MIDEAS: variants seen among roughly 807,000 people sequenced by gnomAD.
The protein encoded by MIDEAS is mitotic deacetylase-associated SANT domain protein.
MIDEAS carries 26 observed loss-of-function variants against 102.7 expected under a neutral mutation model. The ratio of observed to expected loss-of-function variants is 0.25; its 90% confidence interval spans 0.19 to 0.35. The LOEUF is 0.35. Ranked by LOEUF, MIDEAS falls within the 10% of genes least tolerant of loss-of-function variation. The pLI, the probability that MIDEAS is intolerant of heterozygous loss-of-function variation, is 1.00. For missense variants in MIDEAS, 1,231 were observed against 1,435.6 expected (o/e 0.86, Z 2.30); for synonymous variants, 585 against 591.0 (o/e 0.99, Z 0.15).
intron 1 of MIDEAS, among the ~76,000 whole-genome samples, chr14:73,751,019 C>T (rs954818263): frequency 3.3e-5 from 5 of 152,316 alleles, no homozygotes; most frequent in Middle Eastern, 3.4e-3. Flanking sequence ...TAGATATTAT[C>T]ATTATTATTT....
intron 1 of MIDEAS, among the ~76,000 whole-genome samples, chr14:73,765,459 T>C (rs1365430559): frequency 6.6e-6 from 1 of 152,224 alleles, no homozygotes; most frequent in Non-Finnish European, 1.5e-5. Context: ...TTTATAAGTG[T>C]TGGCTATCAT....
intron 7 of MIDEAS, 134 bp downstream of exon 7, chr14:73,726,470 C>G (rs2053062127): frequency 1.2e-6 from 1 of 845,768 alleles, no homozygotes; most frequent in Non-Finnish European, 1.8e-6. Flanking sequence ...CAAGCCCCTA[C>G]AGCCCCTTCC....
At position 73,718,858 on chromosome 14, in the gene MIDEAS, C is replaced by T. The variant is rs555202145; in HGVS notation, c.3285G>A (p.Ala1095=). Residue 1095 remains alanine (A), a synonymous_variant, in exon 13 of 13, where the codon GCG becomes GCA. Transcript: ENST00000423556. Reference sequence around the variant, plus strand: ...GCTCCCGCGCTCAGCCCTTGTCGCCCGCACCGCTCTCCTCCCGCAGGGCCT... The same window carrying T: ...GCTCCCGCGCTCAGCCCTTGTCGCCTGCACCGCTCTCCTCCCGCAGGGCCT... ...HQQALREESG[A]GDKG 1 of 1,492,430 alleles carries T rather than the reference C, an allele frequency of 6.7e-7. No individual in the cohort carries two copies. The highest frequency in any genetic ancestry group is 8.9e-7 in the Non-Finnish European group (1 of 1,128,454). The allele number at this position is 1,492,430 out of a possible 1,614,324, so 92.4% of individuals were successfully genotyped here. A position where few individuals can be genotyped will look rare whatever the true frequency, so the allele number is the denominator to read the frequency against.
intron 1 of MIDEAS, among the ~76,000 whole-genome samples, chr14:73,772,170 T>C (rs928441801): frequency 5.9e-5 from 9 of 152,276 alleles, no homozygotes; most frequent in Non-Finnish European, 1.2e-4. Context: ...TGCCGGTAGC[T>C]GATAAAGACA....
intron 1 of MIDEAS, among the ~76,000 whole-genome samples, chr14:73,765,439 C>A (rs1418631436): frequency 6.6e-6 from 1 of 152,202 alleles, no homozygotes; most frequent in Non-Finnish European, 1.5e-5. Flanking sequence ...GTCTGGCACA[C>A]ACTAAGTCTT....
intron 1 of MIDEAS, among the ~76,000 whole-genome samples, chr14:73,745,121 G>A (rs764101645): frequency 1.3e-5 from 2 of 152,212 alleles, no homozygotes; most frequent in South Asian, 4.1e-4. Flanking sequence ...GCTCCTGCCT[G>A]CTCCTGACTT....
chr14:73,752,653 G>A (rs2053434714), intron 1 of MIDEAS, among the ~76,000 whole-genome samples: 2 of 152,186 alleles, frequency 1.3e-5, no homozygotes, highest in South Asian at 4.1e-4. Flanking sequence ...ACTGGGCACA[G>A]ACAGACGCCC....
rs1369684885 is a variant in MIDEAS at position 73,760,295 on chromosome 14, C to G, written c.-780G>C. On this transcript the variant is annotated 5_prime_UTR_variant, in exon 1 of 13. The change abolishes an upstream ATG in the 5' untranslated region. Transcript: ENST00000423556. The surrounding 1 kb of genome is among the most constrained non-coding windows in gnomAD (Gnocchi z 4.8). ...CGAGCAGGAACCAGCTCTACCACTT[C>G]ATCAGCACAACTGTCTCGGGGCGGC... 1 of 152,308 alleles carries G rather than the reference C, an allele frequency of 6.6e-6. No homozygotes were observed. The highest frequency in any genetic ancestry group is 2.4e-5 in the African/African-American group (1 of 41,466). The allele number at this position is 152,308 out of a possible 1,614,324, so 9.4% of individuals were successfully genotyped here.
intron 1 of MIDEAS, among the ~76,000 whole-genome samples, chr14:73,753,900 G>A (rs112634039): frequency 1.7e-4 from 26 of 151,968 alleles, no homozygotes; most frequent in African/African-American, 3.6e-4. Flanking sequence ...AGATAATACC[G>A]GCAGAGCTTC....
intron 2 of MIDEAS, 52 bp from the exon 3 acceptor site, chr14:73,737,349 C>T (rs766905485): frequency 3.4e-5 from 53 of 1,544,704 alleles, no homozygotes; most frequent in Middle Eastern, 1.7e-4. Context: ...CATAGCCAGG[C>T]GCAGTGGCTC....
chr14:73,716,847 A>G lies in MIDEAS; in HGVS notation c.*1996T>C, dbSNP rs1443464091. The stretch of plus-strand genomic sequence containing the variant: ...AGAAAAGACCTTGGGAAACATAAGT[A>G]GCACTTTGGGGCTAAGCTGCGAAGG... On this transcript the variant is annotated 3_prime_UTR_variant, in exon 13 of 13. Transcript: ENST00000423556. 6.6e-6 allele frequency: 1 copy of G among 152,610 alleles called. No homozygotes were observed. Among genetic ancestry groups the G allele is most frequent in the Admixed American group, 6.5e-5 (1 of 15,280 alleles). The allele number at this position is 152,610 out of a possible 1,614,324, so 9.5% of individuals were successfully genotyped here.
In MIDEAS at chr14:73,716,531, A is replaced by G. The variant is rs1270015763; in HGVS notation, c.*2312T>C. The G allele has an allele frequency of 6.6e-6, 1 of 151,798 alleles. No homozygotes were observed. The highest frequency in any genetic ancestry group is 2.4e-5 in the African/African-American group (1 of 41,322). 9.4% of individuals were successfully genotyped at this position (151,798 alleles called of 1,614,324 possible). A position where few individuals can be genotyped will look rare whatever the true frequency, so the allele number is the denominator to read the frequency against. On this transcript the variant is annotated 3_prime_UTR_variant, in exon 13 of 13. Coordinates refer to ENST00000423556, the MANE Select transcript of MIDEAS (RefSeq NM_001367710.1). ...CTCTACTAAAAAAAAAAATACAAAAAGATTAGCTGGGTGTGGTGGTGTGTG... is the reference window on the plus strand; with the variant it reads ...CTCTACTAAAAAAAAAAATACAAAAGGATTAGCTGGGTGTGGTGGTGTGTG...
Position 73,719,314 on chromosome 14 carries a change from T to G in MIDEAS, c.3125A>C (p.Lys1042Thr). The G allele has an allele frequency of 6.6e-7, 1 of 1,524,660 alleles. No homozygotes were observed. Among genetic ancestry groups the G allele is most frequent in the Non-Finnish European group, 8.9e-7 (1 of 1,122,790 alleles). 94.4% of individuals were successfully genotyped at this position (1,524,660 alleles called of 1,614,324 possible). ...QNQENTFPCK[K>T]CGRVFYKVKS... Reference sequence around the variant, plus strand: ...GCGCTGCCCACCTTACCTGCCACATTTTTTACAGGGGAAAGTGTTCTCCTG... The same window carrying G: ...GCGCTGCCCACCTTACCTGCCACATGTTTTACAGGGGAAAGTGTTCTCCTG... Residue 1042 changes from lysine (K) to threonine (T), a missense_variant, in exon 12 of 13, where the codon AAA (lysine) becomes ACA (threonine). By Grantham distance (78) the Lys-to-Thr change is moderately conservative. Around this residue, in one of 5 missense-constraint regions of MIDEAS, gnomAD observed 391 missense variants for 483.0 expected, o/e 0.81. Transcript: ENST00000423556.
chr14:73,782,618 C>A (rs2140180836), intron 1 of MIDEAS, among the ~76,000 whole-genome samples: 1 of 152,362 alleles, frequency 6.6e-6, no homozygotes, highest in South Asian at 2.1e-4. Context: ...GCATAAGCCA[C>A]CGCACCTGGC....
intron 3 of MIDEAS, among the ~76,000 whole-genome samples, chr14:73,731,030 G>C (rs984477669): frequency 6.6e-6 from 1 of 152,204 alleles, no homozygotes; most frequent in East Asian, 1.9e-4. Context: ...TGTTCTCATA[G>C]TATTAATCCT....
rs1454836202 is a variant in MIDEAS at position 73,716,444 on chromosome 14, G to A, written c.*2399C>T. On this transcript the variant is annotated 3_prime_UTR_variant, in exon 13 of 13. Coordinates refer to ENST00000423556, the MANE Select transcript of MIDEAS (RefSeq NM_001367710.1). ...AATGCCAGCACTTTGGGAGGCCGAG[G>A]CGGGTGGACCACCTGAGGTCAGGAG... is the stretch of plus-strand genomic sequence containing the variant. 6.6e-6 allele frequency: 1 copy of A among 151,888 alleles called. No homozygotes were observed. Among genetic ancestry groups the A allele is most frequent in the Non-Finnish European group, 1.5e-5 (1 of 67,998 alleles). The allele number at this position is 151,888 out of a possible 1,614,324, so 9.4% of individuals were successfully genotyped here.
At position 73,759,493 on chromosome 14, in the gene MIDEAS, G is replaced by T. The variant is rs540614299; in HGVS notation, c.-248+270C>A. 6.6e-6 allele frequency among the ~76,000 whole-genome samples: 1 copy of T among 150,866 alleles called. No homozygotes were observed. The highest frequency in any genetic ancestry group is 1.5e-5 in the Non-Finnish European group (1 of 67,628). On this transcript the variant is annotated intron_variant, in intron 1 of 12. Transcript: ENST00000423556. This position sits in a 1 kb window ranked among gnomAD's most constrained non-coding sequence, Gnocchi z 6.7. ...AGCTGCACAAACACCGCGGGGCTGC[G>T]CTGCACACGCAGCTGCGGGCCGAGG...
At chr14:73,787,592 G>A (rs908624992), upstream of MIDEAS, 1 of 152,282 alleles carries the variant, frequency 6.6e-6, no homozygotes, top group African/African-American at 2.4e-5. Flanking sequence ...AAAGCGGTGG[G>A]GGAGGGGAAA....
At chr14:73,758,752 C>G (rs1250947828) in intron 1 of MIDEAS, 2 of 154,568 alleles carry the variant, frequency 1.3e-5, no homozygotes, top group African/African-American at 4.8e-5. Context: ...TCGCTGGAGG[C>G]TGGGCTGGGA....
Sources: gnomAD v4.1 joint callset for allele counts (sites outside exome capture counted in the v4.1 genomes callset) on GRCh38, gnomAD v4.1.1 for gene constraint, gnomAD v4.1.1 regional missense constraint, Gnocchi (gnomAD v3.1) non-coding constraint, MANE v1.5 for transcripts, NCBI Gene and HGNC (gene_info 2026-07-23, HGNC 2026-07-21) for gene names.